The following VPS13C variants were observed in gnomAD, a reference collection of about 807,000 sequenced individuals.
VPS13C encodes the protein intermembrane lipid transfer protein VPS13C.
Under a neutral mutation model 456.8 loss-of-function variants are expected in VPS13C, and 358 were observed. The ratio of observed to expected loss-of-function variants is 0.78; its 90% CI spans 0.72 to 0.86. The LOEUF is 0.86. Among genes scored for constraint, VPS13C ranks in the 40% least tolerant of loss-of-function variants. The probability of loss-of-function intolerance (pLI) is 0.00; values close to 1 mark genes in which losing one functional copy is unlikely to be tolerated. For synonymous variants in VPS13C, 1,578 were observed against 1,486.7 expected, an observed-to-expected ratio of 1.06 and a Z score of -1.41; for missense variants, 4,818 against 4,385.4, an observed-to-expected ratio of 1.10 and a Z score of -2.79.
At chr15:61,860,232 G>A (rs965780492) in intron 82 of VPS13C, among the ~76,000 whole-genome samples, 1 of 151,992 alleles carries the variant, frequency 6.6e-6, no homozygotes, top group Non-Finnish European at 1.5e-5. Flanking sequence ...TATATTAAAA[G>A]GTACAGGCTC....
chr15:61,997,793 C>T (rs1393846398), intron 16 of VPS13C, among the ~76,000 whole-genome samples: 3 of 152,132 alleles, frequency 2.0e-5, no homozygotes, highest in Non-Finnish European at 4.4e-5. Context: ...TATCACCACT[C>T]ATCTCAACTA....
At chr15:61,864,704 G>A (rs1401119486) in intron 81 of VPS13C, 9 of 985,322 alleles carry the variant, frequency 9.1e-6, no homozygotes, top group African/African-American at 7.0e-5. Flanking sequence ...AAAGAACTGG[G>A]ATCTCATCTT....
chr15:62,047,896 A>G (rs1312892462), intron 1 of VPS13C, among the ~76,000 whole-genome samples: 1 of 152,352 alleles, frequency 6.6e-6, no homozygotes, highest in East Asian at 1.9e-4. Flanking sequence ...TTAACTGAAT[A>G]CCGATAAAAA....
chr15:61,900,237 A>G (rs1433211746), intron 66 of VPS13C, among the ~76,000 whole-genome samples: 1 of 152,206 alleles, frequency 6.6e-6, no homozygotes, highest in Non-Finnish European at 1.5e-5. Context: ...ACTCCTATTC[A>G]ACATAGTGTT....
At position 62,028,352 on chromosome 15, in the gene VPS13C, A is replaced by G; in HGVS notation, c.448+6T>C. 6.2e-7 allele frequency: 1 copy of G among 1,612,726 alleles called. No homozygotes were observed. ...TAGTTGAATATAATTAACCATGCAT[A>G]CCCACCAGGCTTGATGTCCTTGTAA... On this transcript the variant is annotated splice_donor_region_variant and intron_variant, in intron 6 of 84. Coordinates refer to ENST00000644861, the MANE Select transcript of VPS13C (RefSeq NM_020821.3).
At chr15:62,011,500 T>A (rs1215142961) in intron 12 of VPS13C, among the ~76,000 whole-genome samples, 1 of 151,780 alleles carries the variant, frequency 6.6e-6, no homozygotes, top group Non-Finnish European at 1.5e-5. Flanking sequence ...TGAACCAGAG[T>A]AATACGGAAC....
intron 66 of VPS13C, among the ~76,000 whole-genome samples, chr15:61,896,369 A>C (rs796397185): frequency 6.6e-6 from 1 of 152,186 alleles, no homozygotes; most frequent in Non-Finnish European, 1.5e-5. Context: ...AGTGCCAGAC[A>C]GTGGGCACAG....
At chr15:62,018,710 T>C (rs1320674611) in intron 9 of VPS13C, among the ~76,000 whole-genome samples, 1 of 152,100 alleles carries the variant, frequency 6.6e-6, no homozygotes, top group African/African-American at 2.4e-5. Flanking sequence ...TGAGGATTTT[T>C]GCATCGATGT....
chr15:61,869,360 C>T (rs1894842049), intron 80 of VPS13C, 140 bp downstream of exon 80: 2 of 934,592 alleles, frequency 2.1e-6, no homozygotes, highest in Non-Finnish European at 3.0e-6. Context: ...TCTGGAGGCA[C>T]TCTATGTTTT....
chr15:61,928,399 T>G (rs1180414820), intron 51 of VPS13C, among the ~76,000 whole-genome samples: 2 of 152,136 alleles, frequency 1.3e-5, no homozygotes, highest in East Asian at 1.9e-4. Context: ...CCATAGTCAA[T>G]GTCATATAAT....
chr15:61,981,620 GGAGGCCGAGACAGGCAGATCAC>G (rs1230859649), intron 21 of VPS13C, 142 bp from the exon 22 acceptor site: 2 of 734,704 alleles, frequency 2.7e-6, no homozygotes, highest in Non-Finnish European at 3.9e-6. Flanking sequence ...CAGCACTTTG[GGAGGCCGAGACAGGCAGATCAC>G]GAGGTCAGGA....
intron 66 of VPS13C, among the ~76,000 whole-genome samples, chr15:61,905,241 T>G (rs1441112665): frequency 6.6e-6 from 1 of 152,146 alleles, no homozygotes; most frequent in Non-Finnish European, 1.5e-5. Context: ...TCCCCCAAAA[T>G]GTACAACTAT....
At chr15:61,933,661 C>A (rs1426060893) in intron 49 of VPS13C, among the ~76,000 whole-genome samples, 1 of 151,870 alleles carries the variant, frequency 6.6e-6, no homozygotes, top group African/African-American at 2.4e-5. Context: ...TAAAAAATAG[C>A]TCTCTAAAAT....
chr15:62,038,862 C>G (rs2048149958), intron 3 of VPS13C, among the ~76,000 whole-genome samples: 2 of 152,060 alleles, frequency 1.3e-5, no homozygotes, highest in African/African-American at 4.8e-5. Flanking sequence ...TTCAACATAA[C>G]TAATTATCAG....
At chr15:61,993,510 A>T (rs1252735672) in intron 16 of VPS13C, among the ~76,000 whole-genome samples, 1 of 152,102 alleles carries the variant, frequency 6.6e-6, no homozygotes, top group African/African-American at 2.4e-5. Context: ...AATATCTGAA[A>T]ACCTTTAAAA....
chr15:61,874,346 C>T (rs2140884918), intron 77 of VPS13C, among the ~76,000 whole-genome samples: 1 of 152,046 alleles, frequency 6.6e-6, no homozygotes, highest in Admixed American at 6.6e-5. Flanking sequence ...ATGTTCCCAA[C>T]ACAAAGAAAT....
chr15:61,907,550 A>C (rs1343259054), intron 65 of VPS13C, among the ~76,000 whole-genome samples, 160 bp from the exon 66 acceptor site: 5 of 152,200 alleles, frequency 3.3e-5, no homozygotes, highest in Admixed American at 6.5e-5. Context: ...AATATCTAAT[A>C]AACTCATGGT....
intron 42 of VPS13C, 35 bp downstream of exon 42, chr15:61,949,408 A>C: frequency 1.3e-6 from 2 of 1,590,048 alleles, no homozygotes; most frequent in East Asian, 2.2e-5. Context: ...ATTAAAGTTC[A>C]AAGTATTATT....
chr15:61,941,349 C>G (rs903056749), intron 46 of VPS13C, among the ~76,000 whole-genome samples: 2 of 151,948 alleles, frequency 1.3e-5, no homozygotes, highest in African/African-American at 4.8e-5. Context: ...CTAATCCTTT[C>G]GATAACTCAC....
Sources: allele counts gnomAD v4.1 joint callset (sites outside exome capture counted in the v4.1 genomes callset), GRCh38; gene constraint gnomAD v4.1.1; transcripts MANE v1.5; gene names NCBI Gene and HGNC (gene_info 2026-07-23, HGNC 2026-07-21).